Variants in SGCZ observed in about 807,000 individuals in gnomAD.
SGCZ encodes the protein sarcoglycan zeta.
A neutral mutation model predicts 41.3 loss-of-function variants in SGCZ; 40 were observed. The observed-to-expected ratio is 0.97, with a 90% CI of 0.75 to 1.26. The LOEUF (loss-of-function observed/expected upper bound fraction) is 1.26. Among genes scored for constraint, SGCZ ranks in the 50% most tolerant of loss-of-function variants. The pLI is 0.00. For missense variants in SGCZ, 552 were observed against 369.8 expected, an observed-to-expected ratio of 1.49 and a Z score of -4.04; for synonymous variants, 206 against 137.5, an observed-to-expected ratio of 1.50 and a Z score of -3.49.
At chr8:14,463,551 T>C (rs149796162) in intron 2 of SGCZ, among the ~76,000 whole-genome samples, 383 of 151,666 alleles carry the variant, frequency 2.5e-3, no homozygotes, top group African/African-American at 8.7e-3. Flanking sequence ...TAAGGAAACA[T>C]TGGGCAAAAA....
intron 1 of SGCZ, among the ~76,000 whole-genome samples, chr8:15,082,558 T>A (rs767039356): frequency 6.6e-6 from 1 of 152,172 alleles, no homozygotes; most frequent in East Asian, 1.9e-4. Flanking sequence ...TCAGAAAGAC[T>A]GAGATCTCTT....
chr8:15,236,040 G>C (rs947133023), intron 1 of SGCZ, among the ~76,000 whole-genome samples: 2 of 152,188 alleles, frequency 1.3e-5, no homozygotes, highest in Non-Finnish European at 2.9e-5. Context: ...TACTGACTAT[G>C]ATCTTGGCAA....
chr8:14,737,714 TTTTCTC>T (rs1799083342), intron 1 of SGCZ, among the ~76,000 whole-genome samples: 1 of 152,072 alleles, frequency 6.6e-6, no homozygotes, highest in African/African-American at 2.4e-5. Context: ...CTGTGTCTTA[TTTTCTC>T]TTATGAGGAC....
chr8:14,295,438 T>A (rs1028027478), intron 3 of SGCZ, among the ~76,000 whole-genome samples: 1 of 152,184 alleles, frequency 6.6e-6, no homozygotes, highest in Admixed American at 6.6e-5. Context: ...ATACAGAGTA[T>A]AATTTACAAT....
chr8:14,605,096 G>C (rs2117322983), intron 1 of SGCZ, among the ~76,000 whole-genome samples: 1 of 152,172 alleles, frequency 6.6e-6, no homozygotes, highest in East Asian at 1.9e-4. Flanking sequence ...CTACATCCTG[G>C]CTCCCGTTAA....
intron 5 of SGCZ, among the ~76,000 whole-genome samples, chr8:14,135,567 A>C (rs899001431): frequency 3.3e-5 from 5 of 152,216 alleles, no homozygotes; most frequent in African/African-American, 1.2e-4. Flanking sequence ...AAAATGAAAA[A>C]AATCTCACAA....
chr8:14,953,399 T>A (rs560575855), intron 1 of SGCZ, among the ~76,000 whole-genome samples: 1 of 152,170 alleles, frequency 6.6e-6, no homozygotes, highest in South Asian at 2.1e-4. Context: ...TCAATCGCCG[T>A]CCACTAGGTC....
At chr8:14,296,072 G>A (rs1372644247) in intron 3 of SGCZ, among the ~76,000 whole-genome samples, 1 of 152,202 alleles carries the variant, frequency 6.6e-6, no homozygotes, top group African/African-American at 2.4e-5. Context: ...TTAGAATTGA[G>A]ACCACAGAAA....
At chr8:14,428,734 C>G (rs1208402942) in intron 2 of SGCZ, among the ~76,000 whole-genome samples, 2 of 152,128 alleles carry the variant, frequency 1.3e-5, no homozygotes, top group African/African-American at 4.8e-5. Context: ...TAAGAAGGCT[C>G]TGGTAGTTCA....
intron 1 of SGCZ, among the ~76,000 whole-genome samples, chr8:15,107,910 T>C (rs979099496): frequency 4.6e-5 from 7 of 152,294 alleles, no homozygotes; most frequent in African/African-American, 1.7e-4. Flanking sequence ...GTTTCATATT[T>C]ATTTGAATAG....
intron 1 of SGCZ, among the ~76,000 whole-genome samples, chr8:14,924,458 A>G (rs1421829127): frequency 6.6e-6 from 1 of 152,198 alleles, no homozygotes; most frequent in Non-Finnish European, 1.5e-5. Context: ...CTTTGTTAAA[A>G]GCAAAATCCA....
intron 1 of SGCZ, among the ~76,000 whole-genome samples, chr8:14,994,275 G>A (rs943014590): frequency 2.0e-5 from 3 of 151,890 alleles, no homozygotes; most frequent in Admixed American, 2.0e-4. Context: ...ACATTTATTT[G>A]TGTGATTGCT....
At chr8:14,484,215 G>A (rs977043514) in intron 2 of SGCZ, among the ~76,000 whole-genome samples, 6 of 152,112 alleles carry the variant, frequency 3.9e-5, no homozygotes, top group African/African-American at 1.2e-4. Flanking sequence ...ATGTGGAAAT[G>A]TAATTCTGAT....
intron 3 of SGCZ, among the ~76,000 whole-genome samples, chr8:14,258,767 C>T (rs767387845): frequency 6.6e-6 from 1 of 152,088 alleles, no homozygotes; most frequent in Non-Finnish European, 1.5e-5. Flanking sequence ...GTATTTTAGA[C>T]AAGCTTGCAT....
Position 14,952,977 on chromosome 8 carries a change from G to A in SGCZ, c.39+284608C>T, listed in dbSNP as rs75920088. On this transcript the variant is annotated intron_variant, in intron 1 of 7. Transcript: ENST00000382080. The stretch of plus-strand genomic sequence containing the variant: ...AGCAAGAGAAAAATATCTCGGGTGG[G>A]TTGGTGGATTTTGCTGATCAGGGTT... Among the ~76,000 whole-genome samples the A allele has an allele frequency of 2.6e-5, 4 of 152,220 alleles. No homozygotes were observed. The East Asian group carries it at 7.7e-4, about 29-fold the overall frequency.
At chr8:14,693,701 C>T (rs779574945) in intron 1 of SGCZ, among the ~76,000 whole-genome samples, 12 of 144,480 alleles carry the variant, frequency 8.3e-5, no homozygotes, top group Non-Finnish European at 1.8e-4. Context: ...AGTGATTCTT[C>T]TCCCTCAGCC....
chr8:15,212,899 G>T (rs1801280434), intron 1 of SGCZ, among the ~76,000 whole-genome samples: 1 of 152,010 alleles, frequency 6.6e-6, no homozygotes. Flanking sequence ...TTGGGGTAAT[G>T]AATATAACTG....
chr8:14,889,817 A>T (rs531789700), intron 1 of SGCZ, among the ~76,000 whole-genome samples: 2 of 152,252 alleles, frequency 1.3e-5, no homozygotes, highest in South Asian at 4.1e-4. Context: ...TAAATATGCA[A>T]GTCACGATAT....
chr8:14,461,457 C>G (rs576328939), intron 2 of SGCZ, among the ~76,000 whole-genome samples: 119 of 152,160 alleles, frequency 7.8e-4, no homozygotes, highest in South Asian at 3.5e-3. Context: ...TACTGTAGAG[C>G]CTTTTAGAAA....
Sources: allele counts gnomAD v4.1 joint callset (sites outside exome capture counted in the v4.1 genomes callset), GRCh38; gene constraint gnomAD v4.1.1; transcripts MANE v1.5; gene names NCBI Gene and HGNC (gene_info 2026-07-23, HGNC 2026-07-21).